Variants in ANO5 observed in about 807,000 individuals in gnomAD.
ANO5 encodes anoctamin-5.
Under a neutral mutation model 121.0 loss-of-function variants are expected in ANO5, and 109 were observed. The observed-to-expected ratio is 0.90, with a 90% CI of 0.77 to 1.06. The LOEUF (loss-of-function observed/expected upper bound fraction) is 1.06. Among genes scored for constraint, ANO5 ranks in the 50% least tolerant of loss-of-function variants. ANO5 has a pLI of 0.00. For synonymous variants in ANO5, 406 were observed against 359.9 expected, an observed-to-expected ratio of 1.13 and a Z score of -1.45; for missense variants, 1,064 against 1,078.5, an observed-to-expected ratio of 0.99 and a Z score of 0.19.
At chr11:22,240,260 G>A (rs1403084629) in intron 9 of ANO5, among the ~76,000 whole-genome samples, 1 of 151,936 alleles carries the variant, frequency 6.6e-6, no homozygotes, top group Non-Finnish European at 1.5e-5. Flanking sequence ...TAAGCAAGAA[G>A]ACTATGGTTG....
Position 22,281,659 on chromosome 11 carries a change from A to G in ANO5, c.*1894A>G, listed in dbSNP as rs954869638. 2.8e-5 allele frequency: 1 copy of G among 35,724 alleles called. No homozygotes were observed. The highest frequency in any genetic ancestry group is 5.2e-5 in the African/African-American group (1 of 19,368). The allele number at this position is 35,724 out of a possible 1,614,324, so 2.2% of individuals were successfully genotyped here. On this transcript the variant is annotated 3_prime_UTR_variant, in exon 22 of 22. Coordinates refer to ENST00000324559, the MANE Select transcript of ANO5 (RefSeq NM_213599.3). Reference sequence around the variant, plus strand: ...TTCCTGGGTGCTGATAAAAATAAGAAAGAGCATGGAAATTGGTTTCTTGAA... The same window carrying G: ...TTCCTGGGTGCTGATAAAAATAAGAGAGAGCATGGAAATTGGTTTCTTGAA...
At chr11:22,246,275 T>C (rs1276192282) in intron 9 of ANO5, among the ~76,000 whole-genome samples, 1 of 152,190 alleles carries the variant, frequency 6.6e-6, no homozygotes, top group Non-Finnish European at 1.5e-5. Flanking sequence ...TTAGTTAAAC[T>C]TTTCTCTAGG....
At chr11:22,228,023 C>CT (rs969965033) in intron 7 of ANO5, among the ~76,000 whole-genome samples, 3 of 151,886 alleles carry the variant, frequency 2.0e-5, no homozygotes, top group South Asian at 2.1e-4. Flanking sequence ...AACCTCAAAA[C>CT]TTTTTTTTCC....
chr11:22,278,530 CT>C (rs552412650), intron 21 of ANO5, among the ~76,000 whole-genome samples: 17,513 of 134,432 alleles, frequency 0.13, 3,155 homozygotes, highest in African/African-American at 0.41. Flanking sequence ...GGTTCTTTTC[CT>C]TTTTTTTTTT....
At chr11:22,273,247 A>T (rs1854695752) in intron 19 of ANO5, among the ~76,000 whole-genome samples, 1 of 152,212 alleles carries the variant, frequency 6.6e-6, no homozygotes, top group African/African-American at 2.4e-5. Flanking sequence ...GCAGACAGAA[A>T]ATAAGTAACA....
intron 12 of ANO5, among the ~76,000 whole-genome samples, chr11:22,254,922 AAG>A (rs1243814298): frequency 2.0e-5 from 3 of 152,042 alleles, no homozygotes; most frequent in African/African-American, 4.8e-5. Flanking sequence ...TGTAGTTTAA[AAG>A]AGAGAGTAAT....
intron 2 of ANO5, among the ~76,000 whole-genome samples, chr11:22,204,745 G>T (rs576362647): frequency 2.0e-5 from 3 of 152,254 alleles, no homozygotes; most frequent in South Asian, 4.1e-4. Flanking sequence ...TACACTGTTG[G>T]TGGGAGTGTA....
intron 17 of ANO5, among the ~76,000 whole-genome samples, chr11:22,265,300 T>G (rs1854322696): frequency 1.3e-5 from 2 of 152,176 alleles, no homozygotes; most frequent in South Asian, 4.1e-4. Flanking sequence ...CAAAAGATAA[T>G]GTTTTCAAGG....
intron 3 of ANO5, among the ~76,000 whole-genome samples, chr11:22,212,170 A>G (rs1017491627): frequency 4.0e-5 from 6 of 151,848 alleles, no homozygotes; most frequent in African/African-American, 1.4e-4. Flanking sequence ...ACGAGAACAC[A>G]TTGCTGGAGT....
Position 22,193,489 on chromosome 11 carries a change from G to A in ANO5, c.-4G>A, listed in dbSNP as rs1235050040. On this transcript the variant is annotated 5_prime_UTR_variant, in exon 1 of 22. Transcript: ENST00000324559. ...GCACCAGTGCCATTAACGAGCTGGC[G>A]AAGATGGGCGACCCGGATCTCCTGG... The A allele has an allele frequency of 3.7e-6, 6 of 1,612,438 alleles. No homozygotes were observed. Among genetic ancestry groups the A allele is most frequent in the African/African-American group, 2.7e-5 (2 of 74,940 alleles).
chr11:22,226,886 G>A (rs755626955), intron 6 of ANO5, among the ~76,000 whole-genome samples: 20 of 151,992 alleles, frequency 1.3e-4, no homozygotes, highest in Admixed American at 1.1e-3. Context: ...GAGTGAGTAC[G>A]TTTTACAGTT....
At chr11:22,241,319 T>C (rs1853424511) in intron 9 of ANO5, among the ~76,000 whole-genome samples, 1 of 152,162 alleles carries the variant, frequency 6.6e-6, no homozygotes, top group African/African-American at 2.4e-5. Flanking sequence ...GTTGATACCA[T>C]GTCTTTGCTA....
rs754793981 is a variant in ANO5 at position 22,280,855 on chromosome 11, G to T, written c.*1090G>T. 5.3e-5 allele frequency: 8 copies of T among 151,956 alleles called. No homozygotes were observed. The highest frequency in any genetic ancestry group is 1.2e-4 in the African/African-American group (5 of 41,440). 9.4% of individuals were successfully genotyped at this position (151,956 alleles called of 1,614,324 possible). Reference sequence around the variant, plus strand: ...TCATGTTGTTAGCTAGTGATTTGATGTGATGTAACATCTTAAATGTAAGCT... The same window carrying T: ...TCATGTTGTTAGCTAGTGATTTGATTTGATGTAACATCTTAAATGTAAGCT... On this transcript the variant is annotated 3_prime_UTR_variant, in exon 22 of 22. Transcript: ENST00000324559.
chr11:22,238,974 A>G (rs1268704953), intron 8 of ANO5, among the ~76,000 whole-genome samples: 3 of 152,150 alleles, frequency 2.0e-5, no homozygotes, highest in Non-Finnish European at 4.4e-5. Flanking sequence ...CAGTGTACAC[A>G]ATACTTTGCT....
rs1267127515 is a variant in ANO5 at position 22,280,196 on chromosome 11, CAA to C, written c.*433_*434del. On this transcript the variant is annotated 3_prime_UTR_variant, in exon 22 of 22. Coordinates refer to ENST00000324559, the MANE Select transcript of ANO5 (RefSeq NM_213599.3). ...AATGTTGGGGCAAAAAGAAATGGAT[CAA>C]AGAGACTGACTGAGCCCTATATATC... 1.1e-5 allele frequency: 2 copies of C among 182,240 alleles called. No homozygotes were observed. The highest frequency in any genetic ancestry group is 3.1e-4 in the East Asian group (2 of 6,502). 11.3% of individuals were successfully genotyped at this position (182,240 alleles called of 1,614,324 possible). A position where few individuals can be genotyped will look rare whatever the true frequency, so the allele number is the denominator to read the frequency against.
At chr11:22,229,634 G>A (rs1852971596) in intron 7 of ANO5, among the ~76,000 whole-genome samples, 1 of 151,952 alleles carries the variant, frequency 6.6e-6, no homozygotes, top group Non-Finnish European at 1.5e-5. Context: ...AAGTATTTTA[G>A]AGATATTTGT....
At chr11:22,235,418 G>C (rs1391776605) in intron 7 of ANO5, among the ~76,000 whole-genome samples, 1 of 151,944 alleles carries the variant, frequency 6.6e-6, no homozygotes, top group African/African-American at 2.4e-5. Flanking sequence ...TGAATGATGA[G>C]TTTAGATGAT....
intron 7 of ANO5, among the ~76,000 whole-genome samples, chr11:22,234,875 C>G (rs1432713199): frequency 6.6e-6 from 1 of 152,094 alleles, no homozygotes; most frequent in Non-Finnish European, 1.5e-5. Flanking sequence ...GTTGACCTGA[C>G]TTGACCAAAC....
chr11:22,207,144 A>G (rs1461124215), intron 2 of ANO5, among the ~76,000 whole-genome samples: 1 of 152,256 alleles, frequency 6.6e-6, no homozygotes, highest in Non-Finnish European at 1.5e-5. Context: ...CCAAATTGGT[A>G]TATAAGTTAA....
Sources: gnomAD v4.1 joint callset for allele counts (sites outside exome capture counted in the v4.1 genomes callset) on GRCh38, gnomAD v4.1.1 for gene constraint, MANE v1.5 for transcripts, NCBI Gene and HGNC (gene_info 2026-07-23, HGNC 2026-07-21) for gene names.